ZNF341: variants seen among roughly 807,000 people sequenced by gnomAD.
The protein encoded by ZNF341 is zinc finger protein 341.
ZNF341 carries 52 observed loss-of-function variants against 87.7 expected under a neutral mutation model. The observed-to-expected ratio is 0.59, with a 90% CI of 0.47 to 0.75. The LOEUF is 0.75. ZNF341 is among the 30% of genes least tolerant of loss of function. ZNF341 has a pLI of 0.00. For missense variants in ZNF341, 977 were observed against 1,145.9 expected, an observed-to-expected ratio of 0.85 and a Z score of 2.13; for synonymous variants, 459 against 472.7, an observed-to-expected ratio of 0.97 and a Z score of 0.38.
rs377092723 is a variant in ZNF341 at position 33,783,874 on chromosome 20, C to T, written c.1852+10C>T. The T allele has an allele frequency of 1.3e-5, 21 of 1,611,144 alleles. No homozygotes were observed. Among genetic ancestry groups the T allele is most frequent in the South Asian group, 6.6e-5 (6 of 90,858 alleles). On this transcript the variant is annotated intron_variant, in intron 12 of 14. Transcript: ENST00000375200. The stretch of plus-strand genomic sequence containing the variant: ...GCTCACATCCACTCGGGTAGGTACC[C>T]TGCCCCTGAGAACTCCAGCCCAGCC...
At chr20:33,738,862 G>A (rs555029063) in intron 1 of ZNF341, among the ~76,000 whole-genome samples, 3 of 152,358 alleles carry the variant, frequency 2.0e-5, no homozygotes, top group African/African-American at 7.2e-5. Context: ...AGGAGGAGAT[G>A]GAGGGGAGGG....
At position 33,740,996 on chromosome 20, in the gene ZNF341, T is replaced by G. The variant is rs992819727; in HGVS notation, c.126T>G (p.Pro42=). 2 of 1,614,006 alleles carry G rather than the reference T, an allele frequency of 1.2e-6. No individual in the cohort carries two copies. The highest frequency in any genetic ancestry group is 2.7e-5 in the African/African-American group (2 of 74,902). Reference sequence around the variant, plus strand: ...CAGGCCAGAGTGTCAATGCGCCCCCTGCTATCCAGCCATTGGGTGAGTATC... The same window carrying G: ...CAGGCCAGAGTGTCAATGCGCCCCCGGCTATCCAGCCATTGGGTGAGTATC... ...DPTGQSVNAP[P]AIQPLDDEDV... The change falls in exon 2 of 15, where the codon CCT becomes CCG. Residue 42 remains proline (P), a synonymous_variant. Transcript: ENST00000375200.
Position 33,782,700 on chromosome 20 carries a change from G to C in ZNF341, c.1720-1032G>C, listed in dbSNP as rs572588044. Among the ~76,000 whole-genome samples the C allele has an allele frequency of 1.1e-4, 16 of 152,312 alleles. No homozygotes were observed. The South Asian group carries it at 3.3e-3, about 32-fold the overall frequency. Reference sequence around the variant, plus strand: ...GAAACCAAGGCAGAAAGGTCACCTAGCTGGGAAACGATGGGGCTAATAAGC... The same window carrying C: ...GAAACCAAGGCAGAAAGGTCACCTACCTGGGAAACGATGGGGCTAATAAGC... On this transcript the variant is annotated intron_variant, in intron 11 of 14. Coordinates refer to ENST00000375200, the MANE Select transcript of ZNF341 (RefSeq NM_001282933.2).
intron 4 of ZNF341, among the ~76,000 whole-genome samples, chr20:33,750,595 C>G (rs1261132732): frequency 6.6e-6 from 1 of 151,964 alleles, no homozygotes; most frequent in African/African-American, 2.4e-5. Context: ...TCCTGAGGAG[C>G]TGGGACTACA....
chr20:33,736,127 C>CA (rs1354681295), intron 1 of ZNF341, among the ~76,000 whole-genome samples: 2,566 of 118,472 alleles, frequency 0.022, 60 homozygotes, highest in African/African-American at 0.058. Flanking sequence ...GACCCTGTCT[C>CA]AAAAAAAAAA....
chr20:33,740,986 A>G lies in ZNF341; in HGVS notation c.116A>G (p.Asn39Ser), dbSNP rs770287380. 11 of 1,614,092 alleles carry G rather than the reference A, an allele frequency of 6.8e-6. No individual in the cohort carries two copies. Among genetic ancestry groups the G allele is most frequent in the African/African-American group, 1.3e-5 (1 of 75,008 alleles). Residue 39 changes from asparagine to serine, a missense_variant, in exon 2 of 15, where the codon AAT becomes AGT. By Grantham distance (46) the Asn-to-Ser change is conservative. Around this residue, in one of 3 missense-constraint regions of ZNF341, gnomAD observed 515 missense variants for 598.2 expected, o/e 0.86. Transcript: ENST00000375200. Reference sequence around the variant, plus strand: ...CCTGATCCGACAGGCCAGAGTGTCAATGCGCCCCCTGCTATCCAGCCATTG... The same window carrying G: ...CCTGATCCGACAGGCCAGAGTGTCAGTGCGCCCCCTGCTATCCAGCCATTG... The part of the protein sequence containing the change: ...AVPDPTGQSV[N>S]APPAIQPLDD...
At chr20:33,788,774 T>C in intron 12 of ZNF341, 89 bp from the exon 13 acceptor site, 6 of 997,214 alleles carry the variant, frequency 6.0e-6, no homozygotes, top group Non-Finnish European at 9.5e-6. Context: ...CTAGAGGAGC[T>C]GCTCCCCTGA....
At chr20:33,758,373 A>G (rs888525142) in intron 6 of ZNF341, among the ~76,000 whole-genome samples, 1 of 152,294 alleles carries the variant, frequency 6.6e-6, no homozygotes, top group South Asian at 2.1e-4. Context: ...TAAGGTTAGC[A>G]AGGTTAGCTA....
Position 33,735,936 on chromosome 20 carries a change from C to T in ZNF341, c.31+3884C>T, listed in dbSNP as rs188774023. ...ATAAATGAAATCATAAAGTGTATAC[C>T]ATTGAGATGGGCTTTTTTCACCCGT... On this transcript the variant is annotated intron_variant, in intron 1 of 14. Transcript: ENST00000375200. Among the ~76,000 whole-genome samples, 62 of 151,758 alleles carry T rather than the reference C, an allele frequency of 4.1e-4. 1 individual carries two copies. Among genetic ancestry groups the T allele is most frequent in the Middle Eastern group, 3.4e-3 (1 of 292 alleles).
chr20:33,743,919 G>A (rs968836342), intron 2 of ZNF341, among the ~76,000 whole-genome samples: 1 of 152,224 alleles, frequency 6.6e-6, no homozygotes, highest in Non-Finnish European at 1.5e-5. Flanking sequence ...TCACAGTCTG[G>A]TGTTGATAAG....
intron 1 of ZNF341, among the ~76,000 whole-genome samples, chr20:33,736,221 C>T (rs971112218): frequency 1.3e-5 from 2 of 151,072 alleles, no homozygotes; most frequent in Non-Finnish European, 3.0e-5. Context: ...TCTGGCCCTC[C>T]TCCCCCACTC....
At chr20:33,786,228 T>G (rs1268373402) in intron 12 of ZNF341, among the ~76,000 whole-genome samples, 1 of 151,786 alleles carries the variant, frequency 6.6e-6, no homozygotes, top group African/African-American at 2.4e-5. Context: ...GGTCTCGAAC[T>G]CCTGACCTCA....
chr20:33,776,482 G>A (rs940060370), intron 10 of ZNF341, among the ~76,000 whole-genome samples: 10 of 151,822 alleles, frequency 6.6e-5, no homozygotes, highest in African/African-American at 2.4e-4. Context: ...TCGCCTCCGG[G>A]GCTCAAGCAA....
chr20:33,762,615 G>A (rs1224405992), intron 8 of ZNF341, among the ~76,000 whole-genome samples: 1 of 151,578 alleles, frequency 6.6e-6, no homozygotes. Flanking sequence ...TTTGCTGCAC[G>A]TATCACCCCA....
At chr20:33,786,005 A>G (rs1265294158) in intron 12 of ZNF341, among the ~76,000 whole-genome samples, 1 of 122,234 alleles carries the variant, frequency 8.2e-6, no homozygotes, top group East Asian at 2.6e-4. Flanking sequence ...TCTTGTATTT[A>G]GCCAGTTCTC....
At chr20:33,779,457 T>TC (rs1328338634) in intron 10 of ZNF341, among the ~76,000 whole-genome samples, 1 of 150,422 alleles carries the variant, frequency 6.6e-6, no homozygotes, top group East Asian at 1.9e-4. Context: ...CCTTTTTTTT[T>TC]TTTTTTTTTT....
Position 33,791,040 on chromosome 20 carries a change from C to T in ZNF341, c.2088C>T (p.Ala696=), listed in dbSNP as rs138527484. Residue 696 remains alanine, a synonymous_variant, in exon 15 of 15, where the codon GCC becomes GCT. Coordinates refer to ENST00000375200, the MANE Select transcript of ZNF341 (RefSeq NM_001282933.2). ...GCAGCAAGTCCTTCAGCCGCCGTGC[C>T]CACCTCGCCGAGCATCAGCGCGCCC... ...ALCSKSFSRR[A]HLAEHQRAHT... is the part of the protein sequence containing the mutation. 2,037 of 1,613,574 alleles carry T rather than the reference C, an allele frequency of 1.3e-3. No individual in the cohort carries two copies. The highest frequency in any genetic ancestry group is 1.6e-3 in the Non-Finnish European group (1,872 of 1,180,016).
chr20:33,757,045 G>A, intron 5 of ZNF341, 103 bp from the exon 6 acceptor site: 2 of 949,762 alleles, frequency 2.1e-6, no homozygotes, highest in Non-Finnish European at 3.0e-6. Flanking sequence ...TGATGTAGGG[G>A]AGAGCGGCTG....
chr20:33,791,128 C>G lies in ZNF341; in HGVS notation c.2176C>G (p.Leu726Val). The stretch of plus-strand genomic sequence containing the variant: ...CAAGGGCTTTTCCCGCCACAAATAC[C>G]TCAAAGATCACCGCTGTCGTCTCGG... ...CAKGFSRHKY[L>V]KDHRCRLGPQ... Residue 726 changes from leucine (L) to valine (V), a missense_variant, in exon 15 of 15, where the codon CTC becomes GTC. Around this residue, in one of 3 missense-constraint regions of ZNF341, gnomAD observed 221 missense variants for 212.7 expected, o/e 1.04. Transcript: ENST00000375200. The G allele has an allele frequency of 6.2e-7, 1 of 1,613,354 alleles. No individual in the cohort carries two copies. The highest frequency in any genetic ancestry group is 8.5e-7 in the Non-Finnish European group (1 of 1,180,026).
Sources: allele counts gnomAD v4.1 joint callset (sites outside exome capture counted in the v4.1 genomes callset), GRCh38; gene constraint gnomAD v4.1.1; regional missense constraint gnomAD v4.1.1; transcripts MANE v1.5; gene names NCBI Gene and HGNC (gene_info 2026-07-23, HGNC 2026-07-21).